Variants in NDFIP1 observed in about 807,000 individuals in gnomAD.
NDFIP1 encodes Nedd4 family interacting protein 1, also known as NEDD4 family-interacting protein 1.
A neutral mutation model predicts 28.8 loss-of-function variants in NDFIP1; 7 were observed. The ratio of observed to expected loss-of-function variants is 0.24; its 90% confidence interval spans 0.14 to 0.46. The LOEUF (loss-of-function observed/expected upper bound fraction) is 0.46. Ranked by LOEUF, NDFIP1 falls within the 20% of genes least tolerant of loss-of-function variation. NDFIP1 has a pLI of 0.99. For missense variants in NDFIP1, 194 were observed against 269.1 expected, an observed-to-expected ratio of 0.72 and a Z score of 1.95; for synonymous variants, 92 against 101.0, an observed-to-expected ratio of 0.91 and a Z score of 0.53.
intron 1 of NDFIP1, among the ~76,000 whole-genome samples, chr5:142,129,506 A>C (rs549689813): frequency 1.3e-5 from 2 of 152,364 alleles, no homozygotes; most frequent in Admixed American, 6.5e-5. Flanking sequence ...CAGATGGTAG[A>C]TGCTGATGAG....
chr5:142,124,278 T>C (rs963997015), intron 1 of NDFIP1, among the ~76,000 whole-genome samples: 6 of 152,190 alleles, frequency 3.9e-5, no homozygotes, highest in African/African-American at 1.4e-4. Flanking sequence ...ACCATAACCA[T>C]GGTTGGCTAA....
At chr5:142,132,848 G>T (rs1757240482) in intron 3 of NDFIP1, among the ~76,000 whole-genome samples, 1 of 152,184 alleles carries the variant, frequency 6.6e-6, no homozygotes. Context: ...ATTCATGGAG[G>T]TGGAGATTGG....
intron 5 of NDFIP1, among the ~76,000 whole-genome samples, chr5:142,140,101 A>C (rs1417211124): frequency 6.6e-6 from 1 of 152,194 alleles, no homozygotes; most frequent in East Asian, 1.9e-4. Flanking sequence ...TATGTAAAAT[A>C]CTTTCACTTA....
intron 1 of NDFIP1, among the ~76,000 whole-genome samples, chr5:142,125,799 C>T (rs756221114): frequency 2.0e-4 from 31 of 152,158 alleles, no homozygotes; most frequent in Non-Finnish European, 4.1e-4. Context: ...TTATTATAGC[C>T]ATCCTAGTAA....
intron 5 of NDFIP1, chr5:142,138,305 C>T (rs1757295218): frequency 6.5e-6 from 1 of 153,262 alleles, no homozygotes; most frequent in Admixed American, 6.5e-5. Flanking sequence ...TTGCTTATGC[C>T]AAAATGTTTG....
intron 6 of NDFIP1, chr5:142,144,367 T>G (rs1757366998): frequency 2.2e-6 from 1 of 460,172 alleles, no homozygotes; most frequent in Admixed American, 3.6e-5. Flanking sequence ...CAAAAGACAC[T>G]ATTGACTCTT....
chr5:142,129,640 A>G (rs532214671), intron 1 of NDFIP1, among the ~76,000 whole-genome samples: 1 of 152,248 alleles, frequency 6.6e-6, no homozygotes, highest in South Asian at 2.1e-4. Context: ...AATTTAATGG[A>G]TTGTGGCCGG....
intron 7 of NDFIP1, among the ~76,000 whole-genome samples, chr5:142,150,423 T>C (rs1378140656): frequency 6.6e-6 from 1 of 152,002 alleles, no homozygotes; most frequent in Non-Finnish European, 1.5e-5. Flanking sequence ...TTTCAGTGGT[T>C]TACTTCAAAT....
In NDFIP1 at chr5:142,152,099, G is replaced by A. The variant is rs1393351867; in HGVS notation, c.*371G>A. The A allele has an allele frequency of 6.5e-6, 1 of 152,680 alleles. No homozygotes were observed. Among genetic ancestry groups the A allele is most frequent in the East Asian group, 1.9e-4 (1 of 5,332 alleles). 9.5% of individuals were successfully genotyped at this position (152,680 alleles called of 1,614,324 possible). Reference sequence around the variant, plus strand: ...TCATCCTCCATCTCAAAATGAACTTGGAATTAAATATTGTAAGATATGTAT... The same window carrying A: ...TCATCCTCCATCTCAAAATGAACTTAGAATTAAATATTGTAAGATATGTAT... On this transcript the variant is annotated 3_prime_UTR_variant, in exon 8 of 8. Coordinates refer to ENST00000253814, the MANE Select transcript of NDFIP1 (RefSeq NM_030571.4).
chr5:142,151,531 T>C (rs1757447014), intron 7 of NDFIP1, among the ~76,000 whole-genome samples, 200 bp from the exon 8 acceptor site: 1 of 152,212 alleles, frequency 6.6e-6, no homozygotes, highest in Non-Finnish European at 1.5e-5. Flanking sequence ...TTTTTTCTAG[T>C]TCTAGAGGCC....
intron 1 of NDFIP1, among the ~76,000 whole-genome samples, chr5:142,123,294 A>C (rs1466976895): frequency 6.6e-6 from 1 of 152,042 alleles, no homozygotes; most frequent in Non-Finnish European, 1.5e-5. Flanking sequence ...TGTTCTTGAA[A>C]TCTAAAAGAA....
intron 5 of NDFIP1, among the ~76,000 whole-genome samples, chr5:142,139,248 A>T (rs956662506): frequency 2.0e-5 from 3 of 152,102 alleles, no homozygotes; most frequent in African/African-American, 4.8e-5. Flanking sequence ...AAATGAATTA[A>T]CTTGTATCAG....
At chr5:142,136,882 A>G (rs1041657766) in intron 4 of NDFIP1, among the ~76,000 whole-genome samples, 16 of 150,824 alleles carry the variant, frequency 1.1e-4, no homozygotes, top group Admixed American at 2.0e-4. Context: ...CCTGGCCAAC[A>G]TGGAGAAACC....
At chr5:142,112,321 G>T (rs1343056974) in intron 1 of NDFIP1, among the ~76,000 whole-genome samples, 2 of 151,808 alleles carry the variant, frequency 1.3e-5, no homozygotes, top group Non-Finnish European at 2.9e-5. Context: ...GGAGGCAGAT[G>T]TTTCAGTGAA....
At chr5:142,120,147 G>T (rs1258543152) in intron 1 of NDFIP1, among the ~76,000 whole-genome samples, 1 of 152,072 alleles carries the variant, frequency 6.6e-6, no homozygotes. Context: ...GTAGAGACGG[G>T]GTTTCACTAT....
chr5:142,122,884 C>T (rs1394087054), intron 1 of NDFIP1, among the ~76,000 whole-genome samples: 1 of 151,932 alleles, frequency 6.6e-6, no homozygotes, highest in African/African-American at 2.4e-5. Flanking sequence ...AAAAATATAT[C>T]CTCCCGCTCT....
At chr5:142,127,922 C>T (rs1757186799) in intron 1 of NDFIP1, among the ~76,000 whole-genome samples, 2 of 152,186 alleles carry the variant, frequency 1.3e-5, no homozygotes, top group Non-Finnish European at 1.5e-5. Flanking sequence ...TACCACTGCA[C>T]TCCAGCCTGG....
rs1757466125 is a variant in NDFIP1 at position 142,153,254 on chromosome 5, C to A, written c.*1526C>A. 2.2e-6 allele frequency: 1 copy of A among 451,002 alleles called. No individual in the cohort carries two copies. The allele number at this position is 451,002 out of a possible 1,614,324, so 27.9% of individuals were successfully genotyped here. A position where few individuals can be genotyped will look rare whatever the true frequency, so the allele number is the denominator to read the frequency against. ...AGACCAGTTGTTTTTATGATATCAG[C>A]CATTTGATTTTTTTCATTTTCTATT... On this transcript the variant is annotated 3_prime_UTR_variant, in exon 8 of 8. Transcript: ENST00000253814.
At chr5:142,124,746 G>A (rs1025102498) in intron 1 of NDFIP1, among the ~76,000 whole-genome samples, 13 of 152,228 alleles carry the variant, frequency 8.5e-5, no homozygotes, top group South Asian at 6.2e-4. Flanking sequence ...TTCCATGGGA[G>A]ATATTGAGGA....
Sources: allele counts gnomAD v4.1 joint callset (sites outside exome capture counted in the v4.1 genomes callset), GRCh38; gene constraint gnomAD v4.1.1; transcripts MANE v1.5; gene names NCBI Gene and HGNC (gene_info 2026-07-23, HGNC 2026-07-21).